ABL1: variants seen among roughly 807,000 people sequenced by gnomAD.
ABL1 encodes the protein ABL proto-oncogene 1, non-receptor tyrosine kinase.
ABL1 carries 11 observed loss-of-function variants against 94.7 expected under a neutral mutation model. The ratio of observed to expected loss-of-function variants is 0.12; its 90% CI spans 0.07 to 0.19. The LOEUF (loss-of-function observed/expected upper bound fraction) is 0.19, where lower values mean the gene tolerates loss of function less well. Ranked by LOEUF, ABL1 falls within the 10% of genes least tolerant of loss-of-function variation. The pLI, the probability that ABL1 is intolerant of heterozygous loss-of-function variation, is 1.00. For missense variants in ABL1, 1,082 were observed against 1,489.4 expected (o/e 0.73, Z 4.50); for synonymous variants, 656 against 622.4 (o/e 1.05, Z -0.80).
At chr9:130,851,272 C>T (rs1017498080) in intron 1 of ABL1, among the ~76,000 whole-genome samples, 1 of 152,126 alleles carries the variant, frequency 6.6e-6, no homozygotes, top group African/African-American at 2.4e-5. Context: ...GACTAAGCTT[C>T]TTCTACACTC....
At chr9:130,825,883 C>T (rs1260638175) in intron 1 of ABL1, among the ~76,000 whole-genome samples, 4 of 152,206 alleles carry the variant, frequency 2.6e-5, no homozygotes, top group Admixed American at 6.5e-5. Context: ...GTTGTTTCTT[C>T]GCCATCAGCG....
chr9:130,860,494 C>G (rs960137932), intron 3 of ABL1, among the ~76,000 whole-genome samples: 3 of 152,162 alleles, frequency 2.0e-5, no homozygotes, highest in African/African-American at 7.2e-5. Context: ...TAGGGGAGCC[C>G]TTAGCATTCC....
At chr9:130,721,985 T>A (rs1831520897) in intron 1 of ABL1, among the ~76,000 whole-genome samples, 1 of 151,824 alleles carries the variant, frequency 6.6e-6, no homozygotes, top group Non-Finnish European at 1.5e-5. Flanking sequence ...GGTTTCACCC[T>A]GTTAGCCAGG....
chr9:130,871,325 A>C (rs945616104), intron 4 of ABL1, among the ~76,000 whole-genome samples: 1 of 152,206 alleles, frequency 6.6e-6, no homozygotes, highest in Admixed American at 6.5e-5. Context: ...GCTCAGTGCC[A>C]CGGCACTTCA....
At chr9:130,813,726 G>A (rs1318569926) in intron 1 of ABL1, among the ~76,000 whole-genome samples, 1 of 152,184 alleles carries the variant, frequency 6.6e-6, no homozygotes, top group African/African-American at 2.4e-5. Flanking sequence ...AAGTAAGTAA[G>A]TATCTGGAAC....
intron 1 of ABL1, among the ~76,000 whole-genome samples, chr9:130,751,417 A>G (rs1831965585): frequency 6.6e-6 from 1 of 152,070 alleles, no homozygotes; most frequent in South Asian, 2.1e-4. Flanking sequence ...TGCTGGGATT[A>G]CAGGCATGAA....
In ABL1 at chr9:130,884,289, G is replaced by A. The variant is rs2133035442; in HGVS notation, c.1999G>A (p.Gly667Arg). The A allele has an allele frequency of 6.2e-7, 1 of 1,605,880 alleles. No homozygotes were observed. The highest frequency in any genetic ancestry group is 8.5e-7 in the Non-Finnish European group (1 of 1,176,380). ...GTCCCCAAAGCCCAGCAATGGGGCT[G>A]GGGTCCCCAATGGAGCCCTCCGGGA... ...AKSPKPSNGA[G>R]VPNGALRESG... The change falls in exon 11 of 11, where the codon GGG (glycine) becomes AGG (arginine). Residue 667 changes from glycine to arginine, a missense_variant. Coordinates refer to ENST00000318560, the MANE Select transcript of ABL1 (RefSeq NM_005157.6). This position sits in a 1 kb window ranked among gnomAD's most constrained non-coding sequence, Gnocchi z 5.6.
At position 130,862,071 on chromosome 9, in the gene ABL1, T is replaced by C. The variant is rs1047611380; in HGVS notation, c.550-692T>C. On this transcript the variant is annotated intron_variant, in intron 3 of 10. Coordinates refer to ENST00000318560, the MANE Select transcript of ABL1 (RefSeq NM_005157.6). This position sits in a 1 kb window ranked among gnomAD's most constrained non-coding sequence, Gnocchi z 5.5. ...TCCTTTTGCTTCCTCGTGTTGGATG[T>C]GTTTAGTGGTTTTCATCTTCTGGTC... 3.2e-4 allele frequency among the ~76,000 whole-genome samples: 48 copies of C among 152,344 alleles called. No homozygotes were observed. The highest frequency in any genetic ancestry group is 1.1e-3 in the African/African-American group (45 of 41,588).
chr9:130,854,119 C>T lies in ABL1; in HGVS notation c.135C>T (p.Ala45=), dbSNP rs765809121. 31 of 1,614,146 alleles carry T rather than the reference C, an allele frequency of 1.9e-5. No individual in the cohort carries two copies. The highest frequency in any genetic ancestry group is 5.3e-5 in the African/African-American group (4 of 75,022). ...SDFEPQGLSE[A]ARWNSKENLL... ...TTGAGCCTCAGGGTCTGAGTGAAGC[C>T]GCTCGTTGGAACTCCAAGGAAAACC... is the stretch of plus-strand genomic sequence containing the variant. The change falls in exon 2 of 11, where the codon GCC becomes GCT. Residue 45 remains alanine (A), a synonymous_variant. Transcript: ENST00000318560.
Position 130,720,368 on chromosome 9 carries a change from G to A in ABL1, c.136+5913G>A, listed in dbSNP as rs140871997. Among the ~76,000 whole-genome samples the A allele has an allele frequency of 2.6e-5, 4 of 152,280 alleles. No individual in the cohort carries two copies. In the East Asian group the frequency reaches 7.7e-4, roughly 29 times the overall value. On this transcript the variant is annotated intron_variant, in intron 1 of 10. Coordinates refer to the ABL1 transcript ENST00000372348. The stretch of plus-strand genomic sequence containing the variant: ...GAGGGCGGCATTTGATTAAAGACCC[G>A]AAGGAGGAAGATGAGCAGCAGGCCC...
chr9:130,840,866 T>C (rs950795548), intron 1 of ABL1, among the ~76,000 whole-genome samples: 4 of 152,310 alleles, frequency 2.6e-5, no homozygotes, highest in Admixed American at 2.0e-4. Flanking sequence ...CATGTACTTA[T>C]GATGTGGCTT....
At chr9:130,762,144 CA>C (rs35046698) in intron 1 of ABL1, among the ~76,000 whole-genome samples, 12 of 132,372 alleles carry the variant, frequency 9.1e-5, no homozygotes, top group Admixed American at 1.6e-4. Context: ...ACTCCCAGCT[CA>C]AAAAAAAAAA....
rs564921136 is a variant in ABL1 at position 130,849,277 on chromosome 9, A to G, written c.80-4787A>G. Reference sequence around the variant, plus strand: ...TTAGTGTATAGAAATAATTGTGTTGATCACTTAGGATAAATTCCTAGAGGT... The same window carrying G: ...TTAGTGTATAGAAATAATTGTGTTGGTCACTTAGGATAAATTCCTAGAGGT... On this transcript the variant is annotated intron_variant, in intron 1 of 10. Coordinates refer to ENST00000318560, the MANE Select transcript of ABL1 (RefSeq NM_005157.6). Among the ~76,000 whole-genome samples the G allele has an allele frequency of 6.6e-5, 10 of 152,272 alleles. No individual in the cohort carries two copies. The South Asian group carries it at 1.7e-3, about 25-fold the overall frequency.
intron 1 of ABL1, among the ~76,000 whole-genome samples, chr9:130,753,753 A>G (rs903682508): frequency 6.6e-5 from 10 of 151,938 alleles, no homozygotes; most frequent in Admixed American, 2.0e-4. Context: ...TCTTTAGAGC[A>G]AAGATTGTGT....
chr9:130,844,281 A>G (rs1474084589), intron 1 of ABL1, among the ~76,000 whole-genome samples: 2 of 152,184 alleles, frequency 1.3e-5, no homozygotes, highest in Non-Finnish European at 2.9e-5. Context: ...TGGAAAGGAC[A>G]GAAGTGATGA....
At chr9:130,874,824 A>G (rs769717542) in intron 6 of ABL1, 44 bp from the exon 7 acceptor site, 1 of 1,597,012 alleles carries the variant, frequency 6.3e-7, no homozygotes, top group Admixed American at 1.7e-5. Flanking sequence ...GTGAAGTGGA[A>G]GGTTGGCCAG....
At chr9:130,830,329 A>G (rs1830479473), upstream of ABL1, among the ~76,000 whole-genome samples, 1 of 152,222 alleles carries the variant, frequency 6.6e-6, no homozygotes, top group Admixed American at 6.5e-5. Context: ...AATCAGTGTC[A>G]TTTGAAGGAC....
At chr9:130,860,932 C>T (rs556230778) in intron 3 of ABL1, among the ~76,000 whole-genome samples, 156 of 152,272 alleles carry the variant, frequency 1.0e-3, no homozygotes, top group African/African-American at 3.4e-3. Flanking sequence ...GAAGAGAGTG[C>T]GTGGACGTCA....
chr9:130,730,937 G>A (rs114490010), intron 1 of ABL1, among the ~76,000 whole-genome samples: 1,823 of 148,270 alleles, frequency 0.012, 33 homozygotes, highest in African/African-American at 0.043. Context: ...ACACTTTGTG[G>A]TTCACCTTTT....
Sources: allele counts gnomAD v4.1 joint callset (sites outside exome capture counted in the v4.1 genomes callset), GRCh38; gene constraint gnomAD v4.1.1; non-coding constraint Gnocchi (gnomAD v3.1); transcripts MANE v1.5; gene names NCBI Gene and HGNC (gene_info 2026-07-23, HGNC 2026-07-21).